The following XIRP2 variants were observed in gnomAD, a reference collection of about 807,000 sequenced individuals.
XIRP2 encodes the protein xin actin binding repeat containing 2, also known as xin actin-binding repeat-containing protein 2.
In XIRP2, 236 loss-of-function variants were observed where a neutral mutation model predicts 277.0. The ratio of observed to expected loss-of-function variants is 0.85; its 90% CI spans 0.77 to 0.95. The LOEUF (loss-of-function observed/expected upper bound fraction) is 0.95, where lower values mean the gene tolerates loss of function less well. XIRP2 is among the 40% of genes least tolerant of loss of function. The pLI is 0.00. For missense variants in XIRP2, 4,640 were observed against 4,157.5 expected (o/e 1.12, Z -3.19); for synonymous variants, 1,490 against 1,416.5 (o/e 1.05, Z -1.17).
chr2:167,026,303 G>T (rs183292312), intron 2 of XIRP2, among the ~76,000 whole-genome samples: 30 of 151,908 alleles, frequency 2.0e-4, no homozygotes, highest in Non-Finnish European at 3.8e-4. Flanking sequence ...TTTTCCATTT[G>T]CTTGGTAGAT....
chr2:167,093,381 A>G (rs1005072962), intron 2 of XIRP2, among the ~76,000 whole-genome samples: 3 of 151,970 alleles, frequency 2.0e-5, no homozygotes, highest in Non-Finnish European at 4.4e-5. Flanking sequence ...GGTTTATTAC[A>G]TAGGTATGTA....
At chr2:167,032,251 A>G (rs1158441805) in intron 2 of XIRP2, among the ~76,000 whole-genome samples, 1 of 152,194 alleles carries the variant, frequency 6.6e-6, no homozygotes, top group Non-Finnish European at 1.5e-5. Context: ...GGCTAGCCAT[A>G]TGCAGAAAAC....
At chr2:167,084,077 T>C (rs899139092) in intron 2 of XIRP2, among the ~76,000 whole-genome samples, 55 of 152,254 alleles carry the variant, frequency 3.6e-4, no homozygotes, top group African/African-American at 1.2e-3. Context: ...GGCTGTGGGT[T>C]TGTCATAGAT....
intron 5 of XIRP2, among the ~76,000 whole-genome samples, chr2:167,230,429 T>A (rs889312189): frequency 3.3e-5 from 5 of 152,020 alleles, no homozygotes; most frequent in African/African-American, 1.2e-4. Context: ...TCCTTTTCCT[T>A]CCCTTCCTCA....
chr2:167,066,227 T>C (rs563589938), intron 2 of XIRP2, among the ~76,000 whole-genome samples: 3 of 152,090 alleles, frequency 2.0e-5, no homozygotes, highest in African/African-American at 7.2e-5. Context: ...GAATAACACC[T>C]CATTTTTCCC....
chr2:167,152,518 C>T (rs954818733), intron 3 of XIRP2, among the ~76,000 whole-genome samples: 1 of 152,030 alleles, frequency 6.6e-6, no homozygotes, highest in Non-Finnish European at 1.5e-5. Context: ...ATGCTTTACT[C>T]GTTTTAATAT....
At chr2:167,002,625 GTTATTACT>G (rs970052959) in intron 2 of XIRP2, among the ~76,000 whole-genome samples, 16 of 151,770 alleles carry the variant, frequency 1.1e-4, no homozygotes, top group Admixed American at 5.3e-4. Context: ...CTTGTATTTT[GTTATTACT>G]TTATTCATTT....
chr2:167,231,177 C>T (rs1021865869), intron 5 of XIRP2, among the ~76,000 whole-genome samples: 37 of 152,006 alleles, frequency 2.4e-4, no homozygotes, highest in African/African-American at 8.2e-4. Context: ...AATTTTCTTC[C>T]TTCTTATTTG....
chr2:167,237,047 A>C (rs919681639), intron 5 of XIRP2, among the ~76,000 whole-genome samples: 3 of 152,168 alleles, frequency 2.0e-5, no homozygotes, highest in Non-Finnish European at 2.9e-5. Flanking sequence ...AAATTGATGC[A>C]TTGATGCTAA....
Position 167,246,054 on chromosome 2 carries a change from A to T in XIRP2, c.4662A>T (p.Glu1554Asp). The change falls in exon 9 of 11, where the codon GAA becomes GAT. Residue 1554 changes from glutamate (E) to aspartate (D), a missense_variant. By Grantham distance (45) the Glu-to-Asp change is conservative. Coordinates refer to ENST00000409195, the MANE Select transcript of XIRP2 (RefSeq NM_152381.6). ...KIEIIGKSIK[E>D]TLEDLYSQKV... ...AAATTATTGGCAAGAGCATTAAAGA[A>T]ACCTTAGAAGATCTCTACTCTCAAA... 2 of 1,613,620 alleles carry T rather than the reference A, an allele frequency of 1.2e-6. No homozygotes were observed. Among genetic ancestry groups the T allele is most frequent in the Non-Finnish European group, 1.7e-6 (2 of 1,179,762 alleles).
chr2:166,968,178 A>G (rs1686478463), intron 2 of XIRP2, among the ~76,000 whole-genome samples: 1 of 151,958 alleles, frequency 6.6e-6, no homozygotes, highest in South Asian at 2.1e-4. Context: ...GAGTTCTTCA[A>G]CAACAAAGGA....
At chr2:166,968,625 G>A (rs961988216) in intron 2 of XIRP2, among the ~76,000 whole-genome samples, 3 of 151,914 alleles carry the variant, frequency 2.0e-5, no homozygotes, top group Non-Finnish European at 4.4e-5. Context: ...TTTTACATAT[G>A]AGGAAATATC....
chr2:166,995,521 C>T (rs1687197882), intron 2 of XIRP2, among the ~76,000 whole-genome samples: 2 of 152,136 alleles, frequency 1.3e-5, no homozygotes, highest in South Asian at 2.1e-4. Context: ...ACATCATCTA[C>T]AAGGTTCTTG....
At chr2:167,083,882 G>T (rs1178547876) in intron 2 of XIRP2, among the ~76,000 whole-genome samples, 3 of 151,882 alleles carry the variant, frequency 2.0e-5, no homozygotes, top group Non-Finnish European at 4.4e-5. Context: ...CATGTCGTCT[G>T]CAAACAGGGA....
At chr2:167,036,972 G>A (rs529745377) in intron 2 of XIRP2, among the ~76,000 whole-genome samples, 19 of 152,114 alleles carry the variant, frequency 1.2e-4, no homozygotes, top group South Asian at 2.1e-4. Flanking sequence ...TTCACCCTCC[G>A]CCATGATTCT....
rs145909550 is a variant in XIRP2, at chr2:167,181,763, G to A, written c.563-28972G>A. 5.5e-3 allele frequency among the ~76,000 whole-genome samples: 837 copies of A among 152,052 alleles called. 8 individuals are homozygous for A. Among genetic ancestry groups the A allele is most frequent in the African/African-American group, 0.019 (786 of 41,510 alleles). On this transcript the variant is annotated intron_variant, in intron 3 of 10. Coordinates refer to ENST00000409195, the MANE Select transcript of XIRP2 (RefSeq NM_152381.6). ...GATCCTTTAAACACTGACGTAACTA[G>A]TAAAGAACAGTTTTACTTTTATTTT... is the stretch of plus-strand genomic sequence containing the variant.
At chr2:167,030,638 T>C (rs1688317481) in intron 2 of XIRP2, among the ~76,000 whole-genome samples, 1 of 152,164 alleles carries the variant, frequency 6.6e-6, no homozygotes, top group South Asian at 2.1e-4. Flanking sequence ...ACTTATGTGA[T>C]CAATTTTAGA....
intron 2 of XIRP2, among the ~76,000 whole-genome samples, chr2:166,941,208 A>G (rs1470733105): frequency 2.0e-5 from 3 of 152,124 alleles, no homozygotes; most frequent in Non-Finnish European, 4.4e-5. Context: ...TGTGCGAGCA[A>G]TGAGTGAGGC....
chr2:167,113,065 T>G (rs375619515), intron 2 of XIRP2, among the ~76,000 whole-genome samples: 1 of 152,274 alleles, frequency 6.6e-6, no homozygotes, highest in East Asian at 1.9e-4. Flanking sequence ...TGGTTGATTT[T>G]GGAGTATGTG....
Sources: allele counts gnomAD v4.1 joint callset (sites outside exome capture counted in the v4.1 genomes callset), GRCh38; gene constraint gnomAD v4.1.1; transcripts MANE v1.5; gene names NCBI Gene and HGNC (gene_info 2026-07-23, HGNC 2026-07-21).